LNX2: variants seen among roughly 807,000 people sequenced by gnomAD.
The protein encoded by LNX2 is ligand of numb-protein X 2.
A neutral mutation model predicts 66.2 loss-of-function variants in LNX2; 35 were observed. The observed-to-expected ratio is 0.53, with a 90% confidence interval of 0.40 to 0.70. The LOEUF is 0.70. LNX2 is among the 30% of genes least tolerant of loss of function. The probability of loss-of-function intolerance (pLI) is 0.00; values close to 1 mark genes in which losing one functional copy is unlikely to be tolerated. For missense variants in LNX2, 791 were observed against 850.8 expected, an observed-to-expected ratio of 0.93 and a Z score of 0.87; for synonymous variants, 337 against 315.6, an observed-to-expected ratio of 1.07 and a Z score of -0.72.
intron 1 of LNX2, 50 bp from the exon 2 acceptor site, chr13:27,581,853 G>C: frequency 3.6e-6 from 2 of 558,030 alleles, no homozygotes; most frequent in Non-Finnish European, 6.1e-6. Flanking sequence ...TATCAATCAA[G>C]ATAGGTTAAA....
At chr13:27,606,006 C>T (rs145080296) in intron 1 of LNX2, among the ~76,000 whole-genome samples, 2 of 152,204 alleles carry the variant, frequency 1.3e-5, no homozygotes, top group Non-Finnish European at 2.9e-5. Context: ...AAAATGGATG[C>T]ACCTGACAAT....
intron 2 of LNX2, among the ~76,000 whole-genome samples, chr13:27,569,751 AT>A (rs931691346): frequency 1.3e-5 from 2 of 152,196 alleles, no homozygotes; most frequent in Non-Finnish European, 2.9e-5. Context: ...ACGCTCATTA[AT>A]TAGTGGGTAG....
chr13:27,592,789 TAAAGA>T (rs1955557908), intron 1 of LNX2, among the ~76,000 whole-genome samples: 2 of 152,082 alleles, frequency 1.3e-5, no homozygotes, highest in African/African-American at 2.4e-5. Context: ...AGAAAGCAGA[TAAAGA>T]AAAGTGTTCC....
In LNX2 at chr13:27,575,864, G is replaced by C. The variant is rs184666522; in HGVS notation, c.407+5433C>G. Among the ~76,000 whole-genome samples the C allele has an allele frequency of 3.5e-3, 527 of 152,116 alleles. 1 individual carries two copies. The highest frequency in any genetic ancestry group is 0.012 in the African/African-American group (504 of 41,482). ...GAAAATAATTTTAATTAAGAGAAAT[G>C]ACACGGGAATTAAAATAGCATATTA... is the stretch of plus-strand genomic sequence containing the variant. On this transcript the variant is annotated intron_variant, in intron 2 of 9. Coordinates refer to ENST00000316334, the MANE Select transcript of LNX2 (RefSeq NM_153371.4).
intron 1 of LNX2, among the ~76,000 whole-genome samples, chr13:27,608,797 TTTTTG>T (rs58647987): frequency 6.6e-6 from 1 of 150,860 alleles, no homozygotes; most frequent in Admixed American, 6.6e-5. Flanking sequence ...TTCTTTGAGT[TTTTTG>T]TTTTGTTTTG....
intron 1 of LNX2, among the ~76,000 whole-genome samples, chr13:27,594,696 TTCC>T (rs1399988356): frequency 7.2e-5 from 11 of 152,234 alleles, no homozygotes; most frequent in African/African-American, 2.2e-4. Flanking sequence ...AATGATCCGC[TTCC>T]TCAAGGCACG....
chr13:27,581,611 C>G lies in LNX2; in HGVS notation c.93G>C (p.Trp31Cys). 2 of 1,614,086 alleles carry G rather than the reference C, an allele frequency of 1.2e-6. No homozygotes were observed. Among genetic ancestry groups the G allele is most frequent in the South Asian group, 2.2e-5 (2 of 91,082 alleles). Residue 31 changes from tryptophan to cysteine, a missense_variant, in exon 2 of 10, where the codon TGG becomes TGC. Trp to Cys is a radical substitution (Grantham distance 215, BLOSUM62 -2). Transcript: ENST00000316334. ...PLCFECGQQH[W>C]TRENHLYNYQ... Reference sequence around the variant, plus strand: ...AATTGTACAAATGGTTTTCTCTTGTCCAGTGCTGTTGGCCACATTCAAAAC... The same window carrying G: ...AATTGTACAAATGGTTTTCTCTTGTGCAGTGCTGTTGGCCACATTCAAAAC...
At chr13:27,569,378 G>A in intron 2 of LNX2, 102 bp from the exon 3 acceptor site, 13 of 1,265,150 alleles carry the variant, frequency 1.0e-5, no homozygotes, top group Non-Finnish European at 1.4e-5. Context: ...AGAACCAGAA[G>A]CTAGAAGTAC....
intron 2 of LNX2, among the ~76,000 whole-genome samples, chr13:27,574,750 A>G (rs1955324910): frequency 6.6e-6 from 1 of 152,246 alleles, no homozygotes; most frequent in Non-Finnish European, 1.5e-5. Flanking sequence ...AGATATACAC[A>G]CTTAAGACAC....
chr13:27,612,204 T>C (rs1048327604), intron 1 of LNX2, among the ~76,000 whole-genome samples: 1 of 152,328 alleles, frequency 6.6e-6, no homozygotes, highest in Non-Finnish European at 1.5e-5. Context: ...GATGAAGTTT[T>C]GGACTAAATC....
chr13:27,620,808 C>T (rs919898982), upstream of LNX2: 1 of 153,542 alleles, frequency 6.5e-6, no homozygotes, highest in Non-Finnish European at 1.5e-5. Context: ...CCTGATTCCC[C>T]TGCGGAAGCC....
intron 4 of LNX2, 76 bp downstream of exon 4, chr13:27,567,564 A>T: frequency 8.0e-7 from 1 of 1,250,950 alleles, no homozygotes; most frequent in Non-Finnish European, 1.2e-6. Flanking sequence ...GTTCCAAAAC[A>T]GCACAATTTT....
chr13:27,586,789 T>A (rs1247144501), intron 1 of LNX2, among the ~76,000 whole-genome samples: 1 of 152,198 alleles, frequency 6.6e-6, no homozygotes, highest in Non-Finnish European at 1.5e-5. Context: ...ATAATCTATT[T>A]AACAGTATTG....
At chr13:27,618,037 A>G (rs1312530725) in intron 1 of LNX2, among the ~76,000 whole-genome samples, 2 of 152,252 alleles carry the variant, frequency 1.3e-5, no homozygotes, top group Non-Finnish European at 2.9e-5. Context: ...TTAGGAAATC[A>G]AAGTTCTGTC....
At chr13:27,597,236 A>C (rs919400309) in intron 1 of LNX2, among the ~76,000 whole-genome samples, 2 of 152,234 alleles carry the variant, frequency 1.3e-5, no homozygotes, top group Non-Finnish European at 2.9e-5. Flanking sequence ...GCAGTTTATA[A>C]GTCCTGCTAT....
intron 7 of LNX2, 116 bp from the exon 8 acceptor site, chr13:27,553,555 G>A: frequency 1.5e-6 from 1 of 650,552 alleles, no homozygotes; most frequent in African/African-American, 1.8e-5. Flanking sequence ...ATGAGATAAG[G>A]TATAATAATA....
Position 27,562,522 on chromosome 13 carries a change from C to A in LNX2, c.1115G>T (p.Gly372Val), listed in dbSNP as rs763700804. The A allele has an allele frequency of 2.5e-6, 4 of 1,614,162 alleles. No homozygotes were observed. Among genetic ancestry groups the A allele is most frequent in the Non-Finnish European group, 3.4e-6 (4 of 1,180,014 alleles). Residue 372 changes from glycine (G) to valine (V), a missense_variant, in exon 5 of 10, where the codon GGG becomes GTG. By Grantham distance (109) the Gly-to-Val change is moderately radical. Coordinates refer to ENST00000316334, the MANE Select transcript of LNX2 (RefSeq NM_153371.4). The stretch of plus-strand genomic sequence containing the variant: ...CCTGCCGTCCTGGGCAGCCAACCCC[C>A]CTTCCAACAGGTCAAGAATAAAAAC... ...PGVFILDLLEGGLAAQDGRLS... is the reference protein window; with the variant it reads ...PGVFILDLLEVGLAAQDGRLS...
At position 27,608,021 on chromosome 13, in the gene LNX2, C is replaced by T. The variant is rs974140362; in HGVS notation, c.-101+12354G>A. Among the ~76,000 whole-genome samples the T allele has an allele frequency of 4.6e-5, 7 of 152,086 alleles. 1 individual carries two copies. The highest frequency in any genetic ancestry group is 1.3e-4 in the Admixed American group (2 of 15,264). On this transcript the variant is annotated intron_variant, in intron 1 of 9. Transcript: ENST00000316334. ...TGCTGTTGTTTCTCTTCCTGCCCCA[C>T]AGCATGTAAACTCCATGAGAACAGA...
At chr13:27,583,094 T>C (rs575484738) in intron 1 of LNX2, among the ~76,000 whole-genome samples, 1 of 152,082 alleles carries the variant, frequency 6.6e-6, no homozygotes, top group South Asian at 2.1e-4. Context: ...ATTAAACAGA[T>C]AAGATATGTT....
Sources: gnomAD v4.1 joint callset for allele counts (sites outside exome capture counted in the v4.1 genomes callset) on GRCh38, gnomAD v4.1.1 for gene constraint, MANE v1.5 for transcripts, NCBI Gene and HGNC (gene_info 2026-07-23, HGNC 2026-07-21) for gene names.